The following COL10A1 variants were observed in gnomAD, a reference collection of about 807,000 sequenced individuals.
The protein encoded by COL10A1 is collagen alpha-1(X) chain.
In COL10A1, 10 loss-of-function variants were observed where a neutral mutation model predicts 18.2. The ratio of observed to expected loss-of-function variants is 0.55; its 90% CI spans 0.34 to 0.93. The LOEUF (loss-of-function observed/expected upper bound fraction) is 0.93. Among genes scored for constraint, COL10A1 ranks in the 40% least tolerant of loss-of-function variants. The pLI, the probability that COL10A1 is intolerant of heterozygous loss-of-function variation, is 0.02. For synonymous variants in COL10A1, 330 were observed against 316.6 expected, an observed-to-expected ratio of 1.04 and a Z score of -0.45; for missense variants, 897 against 853.5, an observed-to-expected ratio of 1.05 and a Z score of -0.64.
chr6:116,174,912 A>G, the COL10A1 span, among the ~76,000 whole-genome samples: 1 of 152,198 alleles, frequency 6.6e-6, no homozygotes, highest in Admixed American at 6.5e-5. Context: ...TATTAAAGAT[A>G]CATCTAAAAA....
At chr6:116,177,693 A>G in the COL10A1 span, among the ~76,000 whole-genome samples, 19 of 152,340 alleles carry the variant, frequency 1.2e-4, no homozygotes, top group East Asian at 3.5e-3. Context: ...TCAAAATACC[A>G]TCAGCTCTCT....
the COL10A1 span, among the ~76,000 whole-genome samples, chr6:116,203,851 A>G: frequency 3.5e-4 from 53 of 151,926 alleles, 1 homozygote; most frequent in Admixed American, 3.4e-3. Context: ...TATATTCTCA[A>G]TATCTTCACC....
intron 2 of COL10A1, among the ~76,000 whole-genome samples, chr6:116,123,199 A>G (rs1180066236): frequency 6.6e-6 from 1 of 152,196 alleles, no homozygotes; most frequent in East Asian, 1.9e-4. Context: ...TTACTATTAA[A>G]AAGGAGAAAC....
intron 1 of COL10A1, among the ~76,000 whole-genome samples, chr6:116,138,381 C>CTAT (rs1779675305): frequency 6.6e-6 from 1 of 152,160 alleles, no homozygotes; most frequent in Non-Finnish European, 1.5e-5. Context: ...ACTGTGTTGG[C>CTAT]TATTCCTTGT....
At chr6:116,127,564 G>A (rs1261613964), upstream of COL10A1, among the ~76,000 whole-genome samples, 13 of 152,106 alleles carry the variant, frequency 8.5e-5, no homozygotes, top group Non-Finnish European at 2.9e-5. Flanking sequence ...ACATCTGTAG[G>A]AGACTACAAA....
chr6:116,159,940 C>CAA (rs1239698050), upstream of COL10A1, among the ~76,000 whole-genome samples: 3 of 152,214 alleles, frequency 2.0e-5, no homozygotes, highest in African/African-American at 7.2e-5. Context: ...GCAAAGGACA[C>CAA]AATTTCATTA....
intron 1 of COL10A1, among the ~76,000 whole-genome samples, chr6:116,145,852 A>T (rs1315951034): frequency 2.0e-5 from 3 of 152,142 alleles, no homozygotes; most frequent in Admixed American, 6.5e-5. Flanking sequence ...CAAATTTTTG[A>T]TACTTTCTGA....
chr6:116,163,138 A>AT (rs1554197039), upstream of COL10A1, among the ~76,000 whole-genome samples: 1,758 of 117,994 alleles, frequency 0.015, 43 homozygotes, highest in East Asian at 0.11. Flanking sequence ...AAAAAAAAAA[A>AT]AAAATATATA....
At chr6:116,186,865 T>C in the COL10A1 span, among the ~76,000 whole-genome samples, 16 of 152,128 alleles carry the variant, frequency 1.1e-4, no homozygotes, top group Admixed American at 3.9e-4. Context: ...ATTCTTTTTC[T>C]GGCAATTCAG....
chr6:116,134,402 A>C (rs907487295), intron 1 of COL10A1, among the ~76,000 whole-genome samples: 2 of 152,148 alleles, frequency 1.3e-5, no homozygotes, highest in African/African-American at 2.4e-5. Flanking sequence ...GTGTTTTCTC[A>C]TACTTTATAC....
the COL10A1 span, among the ~76,000 whole-genome samples, chr6:116,197,312 A>G: frequency 6.6e-6 from 1 of 151,954 alleles, no homozygotes; most frequent in Non-Finnish European, 1.5e-5. Flanking sequence ...CTGGTGGCCA[A>G]CTGAGACTTA....
chr6:116,186,791 A>G, the COL10A1 span, among the ~76,000 whole-genome samples: 4 of 151,752 alleles, frequency 2.6e-5, no homozygotes, highest in Non-Finnish European at 5.9e-5. Context: ...ATCCTGTATC[A>G]TTTTTTTGAT....
At chr6:116,144,877 A>C (rs1340830344) in intron 1 of COL10A1, among the ~76,000 whole-genome samples, 1 of 152,164 alleles carries the variant, frequency 6.6e-6, no homozygotes, top group Non-Finnish European at 1.5e-5. Context: ...TAGTTCAAAA[A>C]CAGACGTTTT....
chr6:116,134,052 C>T (rs1414841859), intron 1 of COL10A1, among the ~76,000 whole-genome samples: 2 of 152,122 alleles, frequency 1.3e-5, no homozygotes, highest in South Asian at 2.1e-4. Context: ...GTCATCTTCC[C>T]CTACTTTCTC....
At chr6:116,126,314 C>A (rs1229393838), upstream of COL10A1, among the ~76,000 whole-genome samples, 2 of 152,036 alleles carry the variant, frequency 1.3e-5, no homozygotes, top group African/African-American at 2.4e-5. Flanking sequence ...TAAAAATAAA[C>A]CCATTGTCTT....
At chr6:116,130,885 A>G (rs1049154207), upstream of COL10A1, among the ~76,000 whole-genome samples, 1 of 152,116 alleles carries the variant, frequency 6.6e-6, no homozygotes, top group African/African-American at 2.4e-5. Context: ...ATTGAAAAAA[A>G]ATATAAGCCG....
rs149987585 is a variant in COL10A1 at position 116,121,759 on chromosome 6, C to G, written c.357G>C (p.Glu119Asp). The part of the protein sequence containing the change: ...GVPGLPGKPG[E>D]RGPYGPKGDV... ...CTCCTTTTGGTCCATATGGTCCTCT[C>G]TCTCCTGGTTTTCCTGGGAGTCCTG... The change falls in exon 3 of 3, where the codon GAG becomes GAC. Residue 119 changes from glutamate (E) to aspartate (D), a missense_variant. Coordinates refer to ENST00000651968, the MANE Select transcript of COL10A1 (RefSeq NM_000493.4). 105 of 1,613,792 alleles carry G rather than the reference C, an allele frequency of 6.5e-5. 1 individual carries two copies. Among genetic ancestry groups the G allele is most frequent in the Middle Eastern group, 3.3e-4 (2 of 6,080 alleles).
chr6:116,181,779 A>G, the COL10A1 span, among the ~76,000 whole-genome samples: 8 of 152,090 alleles, frequency 5.3e-5, no homozygotes, highest in African/African-American at 1.9e-4. Flanking sequence ...TGGGAGCTAT[A>G]TTATGTTCCT....
the COL10A1 span, among the ~76,000 whole-genome samples, chr6:116,213,445 G>A: frequency 6.6e-6 from 1 of 152,050 alleles, no homozygotes; most frequent in East Asian, 1.9e-4. Context: ...GAAGCTGCCA[G>A]GCCATTTAAG....
Sources: gnomAD v4.1 joint callset for allele counts (sites outside exome capture counted in the v4.1 genomes callset) on GRCh38, gnomAD v4.1.1 for gene constraint, MANE v1.5 for transcripts, NCBI Gene and HGNC (gene_info 2026-07-23, HGNC 2026-07-21) for gene names.